CNTN1: variants seen among roughly 807,000 people sequenced by gnomAD.
CNTN1 encodes contactin-1.
Under a neutral mutation model 126.4 loss-of-function variants are expected in CNTN1, and 38 were observed. That is an observed-to-expected ratio of 0.30 (90% CI 0.23 to 0.39). The LOEUF (loss-of-function observed/expected upper bound fraction) is 0.39, where lower values mean the gene tolerates loss of function less well. Ranked by LOEUF, CNTN1 falls within the 10% of genes least tolerant of loss-of-function variation. CNTN1 has a pLI of 1.00. For missense variants in CNTN1, 1,009 were observed against 1,248.4 expected (o/e 0.81, Z 2.89); for synonymous variants, 413 against 422.6 (o/e 0.98, Z 0.28).
At chr12:41,032,893 G>A (rs551910486) in intron 23 of CNTN1, among the ~76,000 whole-genome samples, 37 of 152,248 alleles carry the variant, frequency 2.4e-4, no homozygotes, top group African/African-American at 8.7e-4. Context: ...GGGACTATCT[G>A]GCATGTAGCA....
intron 1 of CNTN1, among the ~76,000 whole-genome samples, chr12:40,746,479 G>A (rs1938190089): frequency 6.6e-6 from 1 of 152,106 alleles, no homozygotes; most frequent in Non-Finnish European, 1.5e-5. Flanking sequence ...TTTAAGAGCA[G>A]GAGTAAAAGT....
intron 23 of CNTN1, among the ~76,000 whole-genome samples, chr12:41,032,677 C>G (rs1949173129): frequency 6.6e-6 from 1 of 152,226 alleles, no homozygotes; most frequent in South Asian, 2.1e-4. Flanking sequence ...ATATGGCCAG[C>G]AATTAAGGTA....
chr12:40,934,720 A>C (rs1403447041), intron 9 of CNTN1, among the ~76,000 whole-genome samples: 1 of 151,992 alleles, frequency 6.6e-6, no homozygotes, highest in Non-Finnish European at 1.5e-5. Flanking sequence ...CATTCTCTCT[A>C]AAAGTGTTGT....
intron 1 of CNTN1, among the ~76,000 whole-genome samples, chr12:40,726,272 C>T (rs1046610663): frequency 6.6e-6 from 1 of 152,040 alleles, no homozygotes; most frequent in Non-Finnish European, 1.5e-5. Context: ...TAAAATAGTA[C>T]ATATGAAGAA....
intron 1 of CNTN1, among the ~76,000 whole-genome samples, chr12:40,723,509 G>A (rs1353479833): frequency 6.6e-6 from 1 of 152,176 alleles, no homozygotes; most frequent in Non-Finnish European, 1.5e-5. Flanking sequence ...TCATCTGAGT[G>A]ATTTTTGAGC....
intron 21 of CNTN1, among the ~76,000 whole-genome samples, chr12:41,027,490 T>G (rs1949059214): frequency 6.6e-6 from 1 of 152,148 alleles, no homozygotes; most frequent in Non-Finnish European, 1.5e-5. Context: ...GATGGTCAAT[T>G]CTGTGAAATG....
intron 15 of CNTN1, chr12:40,972,486 C>T: frequency 1.0e-6 from 1 of 971,172 alleles, no homozygotes; most frequent in Non-Finnish European, 1.2e-6. Flanking sequence ...GCAATTCTCT[C>T]TGTGGTCAGA....
chr12:41,016,663 T>C lies in CNTN1; in HGVS notation c.2185-19T>C. 1.3e-6 allele frequency: 2 copies of C among 1,519,546 alleles called. No homozygotes were observed. Among genetic ancestry groups the C allele is most frequent in the African/African-American group, 2.7e-5 (2 of 73,190 alleles). 94.1% of individuals were successfully genotyped at this position (1,519,546 alleles called of 1,614,324 possible). A position where few individuals can be genotyped will look rare whatever the true frequency, so the allele number is the denominator to read the frequency against. On this transcript the variant is annotated intron_variant, in intron 18 of 23. Coordinates refer to ENST00000551295, the MANE Select transcript of CNTN1 (RefSeq NM_001843.4). Reference sequence around the variant, plus strand: ...ACCTGTATTACTAAAACCTACTCAATCTTTTAATTTCTATTTAGCCTTTGT... The same window carrying C: ...ACCTGTATTACTAAAACCTACTCAACCTTTTAATTTCTATTTAGCCTTTGT...
At chr12:40,826,793 C>G (rs557974459) in intron 1 of CNTN1, among the ~76,000 whole-genome samples, 1 of 152,274 alleles carries the variant, frequency 6.6e-6, no homozygotes, top group East Asian at 1.9e-4. Flanking sequence ...TACTCTAACC[C>G]TGAGTAATGA....
chr12:40,934,119 T>C (rs1945995460), intron 9 of CNTN1, among the ~76,000 whole-genome samples: 1 of 152,100 alleles, frequency 6.6e-6, no homozygotes, highest in African/African-American at 2.4e-5. Flanking sequence ...AGAAGTGTTA[T>C]TGGTAATTTT....
intron 1 of CNTN1, among the ~76,000 whole-genome samples, chr12:40,805,382 G>A (rs1157227371): frequency 6.6e-6 from 1 of 151,728 alleles, no homozygotes; most frequent in Non-Finnish European, 1.5e-5. Flanking sequence ...TGTCAATTTG[G>A]GTGATTTCTA....
intron 23 of CNTN1, among the ~76,000 whole-genome samples, chr12:41,036,631 A>T (rs953542680): frequency 1.3e-5 from 2 of 152,170 alleles, no homozygotes; most frequent in Admixed American, 6.6e-5. Flanking sequence ...GAAAATAGTG[A>T]TTAATATAAC....
intron 1 of CNTN1, among the ~76,000 whole-genome samples, chr12:40,773,698 TATATATATATATATATACAC>T (rs1939461960): frequency 9.3e-4 from 13 of 13,940 alleles, no homozygotes; most frequent in African/African-American, 2.0e-3. Flanking sequence ...TATATACACA[TATATATATATATATATACAC>T]ATATATATAT....
intron 1 of CNTN1, among the ~76,000 whole-genome samples, chr12:40,890,272 A>G (rs1201381910): frequency 1.3e-5 from 2 of 152,172 alleles, no homozygotes; most frequent in South Asian, 2.1e-4. Context: ...CTCCTCACAC[A>G]TAGCCTCCCC....
rs1258467216 is a variant in CNTN1 at position 40,896,097 on chromosome 12, T to A, written c.-76-12260T>A. The A allele has an allele frequency of 2.6e-5, 4 of 152,270 alleles. No homozygotes were observed. The South Asian group carries it at 8.3e-4, about 32-fold the overall frequency. 9.4% of individuals were successfully genotyped at this position (152,270 alleles called of 1,614,324 possible). A position where few individuals can be genotyped will look rare whatever the true frequency, so the allele number is the denominator to read the frequency against. On this transcript the variant is annotated intron_variant, in intron 1 of 23. Coordinates refer to ENST00000551295, the MANE Select transcript of CNTN1 (RefSeq NM_001843.4). Reference sequence around the variant, plus strand: ...AGATTTCTTAATGAAGGTAGTTGCATCGATGTTCATAGGTGCTTTTCTTTT... The same window carrying A: ...AGATTTCTTAATGAAGGTAGTTGCAACGATGTTCATAGGTGCTTTTCTTTT...
chr12:40,901,133 A>G lies in CNTN1; in HGVS notation c.-76-7224A>G, dbSNP rs79034752. Among the ~76,000 whole-genome samples, 343 of 152,358 alleles carry G rather than the reference A, an allele frequency of 2.3e-3. 2 individuals carry two copies. The highest frequency in any genetic ancestry group is 0.017 in the Middle Eastern group (5 of 294). ...AAATCTCTCACATTTCTAGAGCTGT[A>G]CTGAGTTAATAGGGATCGTGTAGAT... On this transcript the variant is annotated intron_variant, in intron 1 of 23. Coordinates refer to ENST00000551295, the MANE Select transcript of CNTN1 (RefSeq NM_001843.4).
chr12:40,955,010 C>A (rs1442289436), intron 14 of CNTN1, among the ~76,000 whole-genome samples: 2 of 151,990 alleles, frequency 1.3e-5, no homozygotes, highest in Admixed American at 6.6e-5. Flanking sequence ...CCACATGAAT[C>A]GAAGACCCTA....
intron 1 of CNTN1, among the ~76,000 whole-genome samples, chr12:40,806,605 A>C (rs901871020): frequency 6.6e-6 from 1 of 152,140 alleles, no homozygotes; most frequent in Non-Finnish European, 1.5e-5. Context: ...CTTTATGAGC[A>C]CTTGAAAAAT....
chr12:40,836,240 CAT>C (rs1198478529), intron 1 of CNTN1, among the ~76,000 whole-genome samples: 2 of 145,946 alleles, frequency 1.4e-5, no homozygotes, highest in Non-Finnish European at 3.0e-5. Flanking sequence ...AATACATAAT[CAT>C]ATATGTATAT....
Sources: allele counts gnomAD v4.1 joint callset (sites outside exome capture counted in the v4.1 genomes callset), GRCh38; gene constraint gnomAD v4.1.1; transcripts MANE v1.5; gene names NCBI Gene and HGNC (gene_info 2026-07-23, HGNC 2026-07-21).